PLEKHA1: variants seen among roughly 807,000 people sequenced by gnomAD.
PLEKHA1 encodes the protein pleckstrin homology domain containing A1.
A neutral mutation model predicts 52.0 loss-of-function variants in PLEKHA1; 34 were observed. The observed-to-expected ratio is 0.65, with a 90% CI of 0.50 to 0.87. The LOEUF is 0.87. Among genes scored for constraint, PLEKHA1 ranks in the 40% least tolerant of loss-of-function variants. The pLI, the probability that PLEKHA1 is intolerant of heterozygous loss-of-function variation, is 0.00. For synonymous variants in PLEKHA1, 163 were observed against 170.7 expected, an observed-to-expected ratio of 0.95 and a Z score of 0.35; for missense variants, 497 against 504.2, an observed-to-expected ratio of 0.99 and a Z score of 0.14.
Position 122,430,941 on chromosome 10 carries a change from A to G in PLEKHA1, c.*1003A>G, listed in dbSNP as rs1002652806. 2 of 152,644 alleles carry G rather than the reference A, an allele frequency of 1.3e-5. No individual in the cohort carries two copies. Among genetic ancestry groups the G allele is most frequent in the Admixed American group, 1.3e-4 (2 of 15,282 alleles). The allele number at this position is 152,644 out of a possible 1,614,324, so 9.5% of individuals were successfully genotyped here. On this transcript the variant is annotated 3_prime_UTR_variant, in exon 12 of 12. Transcript: ENST00000368990. ...AATTAATTTTCAGTAGAATAGTTGA[A>G]TGTGTTAAGATAGGATTTTATGTTA...
chr10:122,417,658 A>C (rs1433497668), intron 7 of PLEKHA1, among the ~76,000 whole-genome samples: 2 of 151,846 alleles, frequency 1.3e-5, no homozygotes, highest in Non-Finnish European at 2.9e-5. Flanking sequence ...AAAAAAAAAA[A>C]AAAAACACAT....
rs115416675 is a variant in PLEKHA1 at position 122,430,314 on chromosome 10, A to G, written c.*376A>G. 117 of 165,462 alleles carry G rather than the reference A, an allele frequency of 7.1e-4. No homozygotes were observed. The highest frequency in any genetic ancestry group is 2.7e-3 in the African/African-American group (112 of 41,888). 10.2% of individuals were successfully genotyped at this position (165,462 alleles called of 1,614,324 possible). ...CTTTGGTCATTTAAAAAATGCTACA[A>G]TGACTTCCTATTAAAGGTTCAATAT... On this transcript the variant is annotated 3_prime_UTR_variant, in exon 12 of 12. Transcript: ENST00000368990.
At chr10:122,384,529 A>T (rs1050643946) in intron 1 of PLEKHA1, among the ~76,000 whole-genome samples, 23 of 142,898 alleles carry the variant, frequency 1.6e-4, no homozygotes, top group African/African-American at 5.1e-4. Flanking sequence ...AATGGTGTGA[A>T]CCCCAGGGGG....
intron 4 of PLEKHA1, among the ~76,000 whole-genome samples, chr10:122,405,400 A>G (rs1361875692): frequency 6.6e-6 from 1 of 151,998 alleles, no homozygotes; most frequent in African/African-American, 2.4e-5. Context: ...AGAAGTTGCT[A>G]TAAATTAATA....
intron 5 of PLEKHA1, among the ~76,000 whole-genome samples, chr10:122,407,856 C>T (rs1179386445): frequency 6.6e-6 from 1 of 152,188 alleles, no homozygotes; most frequent in African/African-American, 2.4e-5. Flanking sequence ...GTTAGTCACT[C>T]ATTAGTTTCC....
intron 5 of PLEKHA1, among the ~76,000 whole-genome samples, chr10:122,409,949 T>G (rs2134614926): frequency 6.6e-6 from 1 of 152,194 alleles, no homozygotes; most frequent in South Asian, 2.1e-4. Context: ...AGCCAGCTAA[T>G]TTTTGTACTT....
chr10:122,377,964 C>A (rs1376093201), intron 1 of PLEKHA1, among the ~76,000 whole-genome samples: 1 of 152,062 alleles, frequency 6.6e-6, no homozygotes, highest in Non-Finnish European at 1.5e-5. Flanking sequence ...AGTTTTAGAG[C>A]AAAATATTGT....
chr10:122,378,262 A>G (rs1590177713), intron 1 of PLEKHA1, among the ~76,000 whole-genome samples: 3 of 152,210 alleles, frequency 2.0e-5, no homozygotes, highest in African/African-American at 4.8e-5. Flanking sequence ...GCTATTGCAT[A>G]TGTCATCAGG....
intron 4 of PLEKHA1, among the ~76,000 whole-genome samples, chr10:122,405,570 G>A (rs571711338): frequency 1.2e-3 from 183 of 151,160 alleles, no homozygotes; most frequent in Non-Finnish European, 2.0e-3. Flanking sequence ...AAGAGTATTA[G>A]CCAGGAAAAC....
chr10:122,399,319 C>T (rs1258228001), intron 3 of PLEKHA1, among the ~76,000 whole-genome samples: 2 of 152,104 alleles, frequency 1.3e-5, no homozygotes, highest in Non-Finnish European at 2.9e-5. Context: ...CACTGGACAA[C>T]AGCATGGCAA....
intron 5 of PLEKHA1, among the ~76,000 whole-genome samples, chr10:122,411,170 G>A (rs1483399027): frequency 6.6e-6 from 1 of 152,096 alleles, no homozygotes; most frequent in Non-Finnish European, 1.5e-5. Context: ...TCTCTTTCCT[G>A]TTTTCTCTCT....
At chr10:122,418,458 C>T (rs1279756317) in intron 8 of PLEKHA1, 1 of 152,444 alleles carries the variant, frequency 6.6e-6, no homozygotes, top group Non-Finnish European at 1.5e-5. Context: ...GAGATATTTA[C>T]ATAGTTTCAA....
In PLEKHA1 at chr10:122,406,686, AT is replaced by A; in HGVS notation, c.342+20del. Reference sequence around the variant, plus strand: ...TATAAAAATTACAGTAAGTATATGTATTTTTTTGAAAAACGTTCGATGTCTG... The same window carrying A: ...TATAAAAATTACAGTAAGTATATGTATTTTTTGAAAAACGTTCGATGTCTG... On this transcript the variant is annotated intron_variant, in intron 5 of 11. Transcript: ENST00000368990. The A allele has an allele frequency of 1.3e-6, 2 of 1,564,132 alleles. No individual in the cohort carries two copies. The highest frequency in any genetic ancestry group is 1.8e-6 in the Non-Finnish European group (2 of 1,138,892).
the PLEKHA1 span, chr10:122,440,799 GGACATAAATAA>G: frequency 1.3e-5 from 2 of 152,072 alleles, no homozygotes; most frequent in Non-Finnish European, 2.9e-5. Flanking sequence ...GGCCCAAAGG[GGACATAAATAA>G]GACAAGCAAA....
At chr10:122,398,593 T>TTGTGTGTGTGTG (rs10653605) in intron 3 of PLEKHA1, among the ~76,000 whole-genome samples, 6 of 147,610 alleles carry the variant, frequency 4.1e-5, no homozygotes, top group African/African-American at 1.5e-4. Flanking sequence ...CCCTATGGGT[T>TTGTGTGTGTGTG]TGTGTGTGTG....
At chr10:122,407,777 A>G (rs1356552818) in intron 5 of PLEKHA1, among the ~76,000 whole-genome samples, 2 of 152,178 alleles carry the variant, frequency 1.3e-5, no homozygotes, top group African/African-American at 4.8e-5. Context: ...TTTTTTAAAG[A>G]AAGTGCAGTT....
At chr10:122,413,726 T>TG (rs2097137800) in intron 6 of PLEKHA1, among the ~76,000 whole-genome samples, 2 of 152,114 alleles carry the variant, frequency 1.3e-5, no homozygotes, top group Admixed American at 1.3e-4. Flanking sequence ...TGTCTGAGCT[T>TG]GAATTTCTTG....
At chr10:122,419,231 G>A (rs1322259540) in intron 8 of PLEKHA1, 1 of 152,100 alleles carries the variant, frequency 6.6e-6, no homozygotes, top group Non-Finnish European at 1.5e-5. Flanking sequence ...GTGCATTCTT[G>A]TCTTTGCAAC....
chr10:122,417,966 C>G lies in PLEKHA1; in HGVS notation c.679C>G (p.Leu227Val). The change falls in exon 8 of 12, where the codon CTG becomes GTG. Residue 227 changes from leucine (L) to valine (V), a missense_variant and splice_region_variant. Leu to Val is a conservative substitution (Grantham distance 32). Coordinates refer to ENST00000368990, the MANE Select transcript of PLEKHA1 (RefSeq NM_001001974.4). ...ENTIGYFKSE[L>V]EKEPLRVIPL... is the part of the protein sequence containing the mutation. ...CACAATAGGCTACTTCAAATCTGAA[C>G]TGGTATGTTGTTACGTCATAAATGT... 6.2e-7 allele frequency: 1 copy of G among 1,605,662 alleles called. No homozygotes were observed. Among genetic ancestry groups the G allele is most frequent in the Non-Finnish European group, 8.5e-7 (1 of 1,172,838 alleles).
Sources: allele counts gnomAD v4.1 joint callset (sites outside exome capture counted in the v4.1 genomes callset), GRCh38; gene constraint gnomAD v4.1.1; transcripts MANE v1.5; gene names NCBI Gene and HGNC (gene_info 2026-07-23, HGNC 2026-07-21).